PRKG1: variants seen among roughly 807,000 people sequenced by gnomAD.
The protein encoded by PRKG1 is cGMP-dependent protein kinase 1.
In PRKG1, 35 loss-of-function variants were observed where a neutral mutation model predicts 88.1. The ratio of observed to expected loss-of-function variants is 0.40; its 90% CI spans 0.30 to 0.53. The LOEUF (loss-of-function observed/expected upper bound fraction) is 0.53, where lower values mean the gene tolerates loss of function less well. PRKG1 is among the 20% of genes least tolerant of loss of function. PRKG1 has a pLI of 0.59. For synonymous variants in PRKG1, 303 were observed against 292.5 expected, an observed-to-expected ratio of 1.04 and a Z score of -0.37; for missense variants, 540 against 839.8, an observed-to-expected ratio of 0.64 and a Z score of 4.41.
At chr10:51,017,314 G>A (rs1263064761) in intron 1 of PRKG1, among the ~76,000 whole-genome samples, 1 of 151,728 alleles carries the variant, frequency 6.6e-6, no homozygotes, top group Non-Finnish European at 1.5e-5. Context: ...CCGTTTACAA[G>A]CCTGTCTTCT....
chr10:51,004,381 C>A (rs1564567936), intron 1 of PRKG1, among the ~76,000 whole-genome samples: 1 of 152,110 alleles, frequency 6.6e-6, no homozygotes, highest in East Asian at 1.9e-4. Flanking sequence ...AGTGCTTGAA[C>A]CTGGGAGGTG....
intron 5 of PRKG1, among the ~76,000 whole-genome samples, chr10:51,918,334 TTTTTTTTTTA>T (rs1842389734): frequency 3.3e-5 from 1 of 30,264 alleles, no homozygotes; most frequent in Non-Finnish European, 6.7e-5. Flanking sequence ...ACTTGACTTA[TTTTTTTTTTA>T]TTTTTTTTTT....
intron 3 of PRKG1, among the ~76,000 whole-genome samples, chr10:51,719,156 A>AAG (rs112793661): frequency 9.3e-5 from 14 of 150,312 alleles, no homozygotes; most frequent in Admixed American, 4.0e-4. Flanking sequence ...TCTCAAAAAA[A>AAG]AGAGAGAGAG....
chr10:51,328,685 T>G (rs1841654499), intron 2 of PRKG1, among the ~76,000 whole-genome samples: 3 of 152,208 alleles, frequency 2.0e-5, no homozygotes, highest in Admixed American at 1.3e-4. Flanking sequence ...ATCTTTTGTC[T>G]TTTTGATCAT....
intron 3 of PRKG1, among the ~76,000 whole-genome samples, chr10:51,541,272 G>T (rs950804518): frequency 6.6e-6 from 1 of 152,162 alleles, no homozygotes; most frequent in Admixed American, 6.5e-5. Flanking sequence ...TGCCACTGCT[G>T]ATCTGACAGG....
chr10:52,227,926 T>C (rs916270863), intron 9 of PRKG1, among the ~76,000 whole-genome samples: 4 of 152,126 alleles, frequency 2.6e-5, no homozygotes, highest in African/African-American at 9.7e-5. Context: ...ACTTCTTAAT[T>C]TGTGTTTCTA....
chr10:51,735,101 G>A (rs1004885571), intron 3 of PRKG1, among the ~76,000 whole-genome samples: 2 of 152,170 alleles, frequency 1.3e-5, no homozygotes, highest in South Asian at 2.1e-4. Context: ...TCCCATCCTT[G>A]TGCCCTAGAA....
intron 1 of PRKG1, among the ~76,000 whole-genome samples, chr10:51,119,715 C>G (rs2131912880): frequency 6.6e-6 from 1 of 152,090 alleles, no homozygotes; most frequent in East Asian, 1.9e-4. Context: ...CAAATCTTTC[C>G]ATTTTACAGT....
chr10:51,287,790 A>C (rs971082675), intron 2 of PRKG1, among the ~76,000 whole-genome samples: 1 of 152,162 alleles, frequency 6.6e-6, no homozygotes, highest in Non-Finnish European at 1.5e-5. Flanking sequence ...TTAAACTAAG[A>C]GATTTTATTA....
intron 5 of PRKG1, among the ~76,000 whole-genome samples, chr10:51,953,232 CA>C (rs1843225675): frequency 6.6e-6 from 1 of 152,084 alleles, no homozygotes; most frequent in African/African-American, 2.4e-5. Context: ...AGGAAATTTA[CA>C]AGGAGAAAAT....
intron 2 of PRKG1, among the ~76,000 whole-genome samples, chr10:51,335,467 C>A (rs982396094): frequency 1.3e-5 from 2 of 152,096 alleles, no homozygotes; most frequent in African/African-American, 4.8e-5. Flanking sequence ...CCATTACAAG[C>A]TAGTCATTAT....
At chr10:51,386,474 T>C (rs1359212476) in intron 2 of PRKG1, among the ~76,000 whole-genome samples, 3 of 152,120 alleles carry the variant, frequency 2.0e-5, no homozygotes, top group Admixed American at 2.0e-4. Flanking sequence ...ACCAATGAGC[T>C]AGAGGCCCAA....
chr10:52,099,135 T>A (rs1465979600), intron 7 of PRKG1, among the ~76,000 whole-genome samples: 1 of 152,332 alleles, frequency 6.6e-6, no homozygotes, highest in South Asian at 2.1e-4. Context: ...CAGATAATTA[T>A]GGAATCCCGC....
At chr10:51,671,751 T>C (rs1445776381) in intron 3 of PRKG1, among the ~76,000 whole-genome samples, 1 of 152,118 alleles carries the variant, frequency 6.6e-6, no homozygotes, top group African/African-American at 2.4e-5. Context: ...CATGCCCAGC[T>C]AATTTTTTGT....
At chr10:51,719,949 A>G (rs900213864) in intron 3 of PRKG1, among the ~76,000 whole-genome samples, 8 of 152,142 alleles carry the variant, frequency 5.3e-5, no homozygotes, top group Admixed American at 2.0e-4. Context: ...GAGAGATGAT[A>G]ACTGTGCCCA....
chr10:51,884,953 C>T (rs528531972), intron 4 of PRKG1, among the ~76,000 whole-genome samples: 1 of 152,240 alleles, frequency 6.6e-6, no homozygotes, highest in South Asian at 2.1e-4. Flanking sequence ...GTTTACTCAT[C>T]CATTGAGGTT....
At chr10:51,369,068 G>C (rs1444640515) in intron 2 of PRKG1, among the ~76,000 whole-genome samples, 1 of 151,982 alleles carries the variant, frequency 6.6e-6, no homozygotes, top group Non-Finnish European at 1.5e-5. Context: ...TGGAGATTTC[G>C]AAGCCCAAGG....
chr10:51,511,372 A>G (rs1290760279), intron 3 of PRKG1, among the ~76,000 whole-genome samples: 2 of 152,186 alleles, frequency 1.3e-5, no homozygotes, highest in East Asian at 3.9e-4. Flanking sequence ...AAGGACTTCT[A>G]TTATCAGAAG....
chr10:52,200,312 T>G (rs1839631698), intron 9 of PRKG1, among the ~76,000 whole-genome samples: 1 of 152,188 alleles, frequency 6.6e-6, no homozygotes, highest in Non-Finnish European at 1.5e-5. Flanking sequence ...CAGGCAGTAT[T>G]TGGTTTTCTG....
Sources: gnomAD v4.1 joint callset for allele counts (sites outside exome capture counted in the v4.1 genomes callset) on GRCh38, gnomAD v4.1.1 for gene constraint, MANE v1.5 for transcripts, NCBI Gene and HGNC (gene_info 2026-07-23, HGNC 2026-07-21) for gene names.